Variants in VDR observed in about 807,000 individuals in gnomAD.
VDR encodes vitamin D receptor.
VDR carries 19 observed loss-of-function variants against 39.7 expected under a neutral mutation model. The observed-to-expected ratio is 0.48, with a 90% CI of 0.33 to 0.70. The LOEUF (loss-of-function observed/expected upper bound fraction) is 0.70, where lower values mean the gene tolerates loss of function less well. VDR is among the 30% of genes least tolerant of loss of function. The pLI is 0.02. For synonymous variants in VDR, 242 were observed against 215.8 expected (o/e 1.12, Z -1.07); for missense variants, 442 against 570.5 (o/e 0.77, Z 2.29).
chr12:47,876,283 C>T (rs1193682759), intron 3 of VDR, among the ~76,000 whole-genome samples: 1 of 151,916 alleles, frequency 6.6e-6, no homozygotes, highest in African/African-American at 2.4e-5. Context: ...AAATTCAGAA[C>T]CTTGCAGCTG....
At chr12:47,878,216 C>G (rs1354895037) in intron 3 of VDR, among the ~76,000 whole-genome samples, 1 of 152,198 alleles carries the variant, frequency 6.6e-6, no homozygotes, top group Non-Finnish European at 1.5e-5. Flanking sequence ...GCTATTCTCT[C>G]TCTCTCTCTC....
chr12:47,859,917 CTT>C lies in VDR; in HGVS notation c.278-2231_278-2230del, dbSNP rs1565615373. ...TCCTTCCTTCCTTCCTTCCTTCCTT[CTT>C]TCTTTTTCTTTCTTTCTTTCTTTCT... On this transcript the variant is annotated intron_variant, in intron 4 of 9. Transcript: ENST00000549336. Among the ~76,000 whole-genome samples, 18 of 46,658 alleles carry C rather than the reference CTT, an allele frequency of 3.9e-4. 1 individual carries two copies. The highest frequency in any genetic ancestry group is 1.5e-3 in the Admixed American group (7 of 4,732). The allele number at this position is 46,658 out of a possible 152,430, so 30.6% of individuals were successfully genotyped here.
chr12:47,852,648 C>A (rs1234681782), intron 7 of VDR, among the ~76,000 whole-genome samples: 1 of 152,200 alleles, frequency 6.6e-6, no homozygotes, highest in Non-Finnish European at 1.5e-5. Flanking sequence ...AGGGGAAGAG[C>A]ATCGAAAAAT....
In VDR at chr12:47,874,574, G is replaced by A. The variant is rs1027470534; in HGVS notation, c.146+4394C>T. On this transcript the variant is annotated intron_variant, in intron 3 of 9. Coordinates refer to ENST00000549336, the MANE Select transcript of VDR (RefSeq NM_000376.3). ...CTCAAGAACCTTGGAGCTAGGAAGCGAAAACGCACTTCTCTGCACTGTCTT... is the reference window on the plus strand; with the variant it reads ...CTCAAGAACCTTGGAGCTAGGAAGCAAAAACGCACTTCTCTGCACTGTCTT... Among the ~76,000 whole-genome samples, 11 of 152,208 alleles carry A rather than the reference G, an allele frequency of 7.2e-5. No individual in the cohort carries two copies. In the East Asian group the frequency reaches 1.5e-3, roughly 21 times the overall value.
chr12:47,876,760 C>T (rs1946015086), intron 3 of VDR, among the ~76,000 whole-genome samples: 1 of 152,250 alleles, frequency 6.6e-6, no homozygotes, highest in South Asian at 2.1e-4. Flanking sequence ...AGATGCCTCA[C>T]ATGCTCCTGT....
chr12:47,900,816 G>A (rs1226004670), intron 1 of VDR, among the ~76,000 whole-genome samples: 1 of 152,120 alleles, frequency 6.6e-6, no homozygotes, highest in Non-Finnish European at 1.5e-5. Flanking sequence ...ACCAACTGCC[G>A]AGTCTGCACA....
chr12:47,878,582 C>T (rs914428974), intron 3 of VDR, among the ~76,000 whole-genome samples: 2 of 152,178 alleles, frequency 1.3e-5, no homozygotes, highest in Non-Finnish European at 2.9e-5. Context: ...GCTCTGAAAC[C>T]AAGTTCTTGG....
At chr12:47,851,956 T>G (rs1377424934) in intron 7 of VDR, among the ~76,000 whole-genome samples, 2 of 152,084 alleles carry the variant, frequency 1.3e-5, no homozygotes, top group African/African-American at 4.8e-5. Flanking sequence ...GAGAACATGA[T>G]GAAAGGAAGA....
At chr12:47,846,104 C>T (rs1240253995) in intron 9 of VDR, among the ~76,000 whole-genome samples, 1 of 152,230 alleles carries the variant, frequency 6.6e-6, no homozygotes, top group African/African-American at 2.4e-5. Flanking sequence ...CCTCAGAATC[C>T]CCCCTACGAA....
chr12:47,857,015 G>T, intron 6 of VDR, 114 bp downstream of exon 6: 1 of 1,525,636 alleles, frequency 6.6e-7, no homozygotes, highest in South Asian at 1.1e-5. Flanking sequence ...CAGTATTTAT[G>T]TAAGTTTCCA....
intron 6 of VDR, among the ~76,000 whole-genome samples, chr12:47,856,243 A>G (rs751518007): frequency 6.6e-6 from 1 of 152,368 alleles, no homozygotes; most frequent in Non-Finnish European, 1.5e-5. Flanking sequence ...GGCAATGCCT[A>G]TGAGGGCTGG....
chr12:47,900,496 T>C (rs904913233), intron 1 of VDR, among the ~76,000 whole-genome samples: 3 of 152,172 alleles, frequency 2.0e-5, no homozygotes, highest in Non-Finnish European at 4.4e-5. Context: ...TATGACAGCT[T>C]GGCATGTTGA....
chr12:47,890,094 C>T (rs940077313), intron 1 of VDR, among the ~76,000 whole-genome samples: 1 of 151,728 alleles, frequency 6.6e-6, no homozygotes, highest in Non-Finnish European at 1.5e-5. Flanking sequence ...GCAACTAGAA[C>T]ATGATTCAAA....
chr12:47,866,853 G>T (rs542010470), intron 3 of VDR, among the ~76,000 whole-genome samples: 1 of 152,118 alleles, frequency 6.6e-6, no homozygotes, highest in African/African-American at 2.4e-5. Context: ...AGTTGGCCAT[G>T]ATGGTGCATG....
intron 7 of VDR, 88 bp downstream of exon 7, chr12:47,855,541 AG>A: frequency 1.4e-6 from 2 of 1,477,914 alleles, no homozygotes; most frequent in South Asian, 2.4e-5. Flanking sequence ...AATAAAAAAA[AG>A]AAGTGGTGGA....
At chr12:47,896,638 A>G (rs1423605759) in intron 1 of VDR, 1 of 152,114 alleles carries the variant, frequency 6.6e-6, no homozygotes, top group Admixed American at 6.5e-5. Flanking sequence ...TTGCTAAAAG[A>G]CACCCAACCT....
intron 1 of VDR, chr12:47,898,260 G>T (rs143333764): frequency 1.2e-4 from 19 of 152,246 alleles, no homozygotes; most frequent in Non-Finnish European, 2.4e-4. Context: ...GCCAGAAATT[G>T]GGTCCCTAGG....
At chr12:47,881,793 T>G (rs1290378015) in intron 2 of VDR, among the ~76,000 whole-genome samples, 2 of 150,926 alleles carry the variant, frequency 1.3e-5, no homozygotes, top group Non-Finnish European at 1.5e-5. Context: ...CTGCAGGTTT[T>G]AGAACATAGC....
intron 9 of VDR, among the ~76,000 whole-genome samples, chr12:47,846,077 A>G (rs1238707415): frequency 6.6e-6 from 1 of 152,090 alleles, no homozygotes; most frequent in Non-Finnish European, 1.5e-5. Flanking sequence ...GGCCCCAGGA[A>G]CCCTGCTTAT....
Sources: allele counts gnomAD v4.1 joint callset (sites outside exome capture counted in the v4.1 genomes callset), GRCh38; gene constraint gnomAD v4.1.1; transcripts MANE v1.5; gene names NCBI Gene and HGNC (gene_info 2026-07-23, HGNC 2026-07-21).